ABTB3: variants seen among roughly 807,000 people sequenced by gnomAD.
The protein encoded by ABTB3 is ankyrin repeat- and BTB/POZ domain-containing protein 3.
At chr12:107,445,901 CTCTCCCT>C in the ABTB3 span, among the ~76,000 whole-genome samples, 4 of 137,086 alleles carry the variant, frequency 2.9e-5, no homozygotes, top group Non-Finnish European at 6.3e-5. Context: ...CCCCTCTCCC[CTCTCCCT>C]GTCTTCCCAT....
At chr12:107,618,128 T>C in the ABTB3 span, 1 of 1,602,956 alleles carries the variant, frequency 6.2e-7, no homozygotes, top group Non-Finnish European at 8.5e-7. Context: ...CATCTCTGAG[T>C]GTCATCCTCT....
At chr12:107,342,390 A>T in the ABTB3 span, among the ~76,000 whole-genome samples, 1 of 152,202 alleles carries the variant, frequency 6.6e-6, no homozygotes, top group South Asian at 2.1e-4. Flanking sequence ...TGTCCAGAGT[A>T]GCTCTCAGCT....
chr12:107,638,085 G>T, the ABTB3 span, among the ~76,000 whole-genome samples: 2 of 152,122 alleles, frequency 1.3e-5, no homozygotes, highest in Admixed American at 1.3e-4. Context: ...CAGAAGTTCT[G>T]GGGGGAGTTT....
the ABTB3 span, among the ~76,000 whole-genome samples, chr12:107,491,143 A>G: frequency 1.3e-5 from 2 of 152,258 alleles, no homozygotes; most frequent in African/African-American, 4.8e-5. Context: ...TACAGAGACC[A>G]GCTCTCCAAG....
At chr12:107,373,743 G>C in the ABTB3 span, among the ~76,000 whole-genome samples, 1 of 152,196 alleles carries the variant, frequency 6.6e-6, no homozygotes. Context: ...GGGGACCCTG[G>C]AGCCCAGGTG....
At chr12:107,548,377 A>G in the ABTB3 span, among the ~76,000 whole-genome samples, 1 of 152,224 alleles carries the variant, frequency 6.6e-6, no homozygotes, top group African/African-American at 2.4e-5. Flanking sequence ...TATTGGTGAA[A>G]TATGGATTAT....
chr12:107,561,182 C>T, the ABTB3 span, among the ~76,000 whole-genome samples: 1 of 152,158 alleles, frequency 6.6e-6, no homozygotes, highest in Admixed American at 6.5e-5. Flanking sequence ...TACATAGAAT[C>T]CCGCCCTCTC....
chr12:107,409,121 T>A, the ABTB3 span, among the ~76,000 whole-genome samples: 2 of 152,204 alleles, frequency 1.3e-5, no homozygotes, highest in Non-Finnish European at 2.9e-5. Context: ...TGTCTCTCTG[T>A]GTCTCTGTTT....
At chr12:107,474,780 G>A in the ABTB3 span, among the ~76,000 whole-genome samples, 1 of 152,176 alleles carries the variant, frequency 6.6e-6, no homozygotes, top group Non-Finnish European at 1.5e-5. Context: ...GGCAGCAGAT[G>A]CCCTGCAGAG....
At chr12:107,354,754 G>A in the ABTB3 span, among the ~76,000 whole-genome samples, 4 of 152,172 alleles carry the variant, frequency 2.6e-5, no homozygotes, top group East Asian at 1.9e-4. Context: ...CATGCTTGCC[G>A]AACACTTGTT....
the ABTB3 span, among the ~76,000 whole-genome samples, chr12:107,407,810 G>C: frequency 6.6e-6 from 1 of 152,082 alleles, no homozygotes; most frequent in African/African-American, 2.4e-5. Flanking sequence ...CGGCGACTCA[G>C]GGAGGTCCTG....
At chr12:107,649,145 C>A in the ABTB3 span, 28 of 1,477,226 alleles carry the variant, frequency 1.9e-5, no homozygotes, top group Non-Finnish European at 2.5e-5. Context: ...GGGGCATCCA[C>A]CGAATGGCTT....
At chr12:107,596,763 C>T in the ABTB3 span, among the ~76,000 whole-genome samples, 1 of 152,314 alleles carries the variant, frequency 6.6e-6, no homozygotes, top group African/African-American at 2.4e-5. Context: ...CCTCCCTACT[C>T]TCCTTACCCC....
the ABTB3 span, among the ~76,000 whole-genome samples, chr12:107,639,812 A>G: frequency 7.2e-5 from 11 of 152,266 alleles, no homozygotes; most frequent in African/African-American, 2.4e-4. Flanking sequence ...ACCAGGTTGC[A>G]TATCATAAGT....
the ABTB3 span, among the ~76,000 whole-genome samples, chr12:107,587,845 G>A: frequency 1.4e-4 from 21 of 152,306 alleles, no homozygotes; most frequent in African/African-American, 5.1e-4. Flanking sequence ...GAGGTGAATT[G>A]GGAAGCTGGG....
chr12:107,578,670 G>A, the ABTB3 span, among the ~76,000 whole-genome samples: 5 of 152,150 alleles, frequency 3.3e-5, no homozygotes, highest in Non-Finnish European at 5.9e-5. Context: ...ACAAAAATAA[G>A]TTCTGCTCAC....
chr12:107,536,230 A>G, the ABTB3 span, among the ~76,000 whole-genome samples: 1 of 152,220 alleles, frequency 6.6e-6, no homozygotes, highest in Non-Finnish European at 1.5e-5. Context: ...ACCATATACA[A>G]AAATCAACTC....
chr12:107,637,784 TTTTGTGTGTGTGTGTGTG>T, the ABTB3 span, among the ~76,000 whole-genome samples: 2 of 94,728 alleles, frequency 2.1e-5, no homozygotes, highest in African/African-American at 9.6e-5. Context: ...AGAGCACTGA[TTTTGTGTGTGTGTGTGTG>T]TGTGTGTGTG....
At chr12:107,581,321 G>C in the ABTB3 span, 1 of 1,315,602 alleles carries the variant, frequency 7.6e-7, no homozygotes, top group Non-Finnish European at 9.6e-7. Context: ...GCGGGGGCGG[G>C]CGGGGGGCGG....
Sources: allele counts gnomAD v4.1 joint callset (sites outside exome capture counted in the v4.1 genomes callset), GRCh38; gene constraint gnomAD v4.1.1; transcripts MANE v1.5; gene names NCBI Gene and HGNC (gene_info 2026-07-23, HGNC 2026-07-21).